The following DENND5B variants were observed in gnomAD, a reference collection of about 807,000 sequenced individuals.
DENND5B encodes DENN domain containing 5B, also known as DENN domain-containing protein 5B.
Under a neutral mutation model 140.6 loss-of-function variants are expected in DENND5B, and 34 were observed. The observed-to-expected ratio is 0.24, with a 90% CI of 0.18 to 0.32. DENND5B has a LOEUF of 0.32. Among genes scored for constraint, DENND5B ranks in the 10% least tolerant of loss-of-function variants. The pLI is 1.00. For synonymous variants in DENND5B, 551 were observed against 562.1 expected, an observed-to-expected ratio of 0.98 and a Z score of 0.28; for missense variants, 1,142 against 1,560.2, an observed-to-expected ratio of 0.73 and a Z score of 4.52.
chr12:31,511,552 TA>T (rs11335602), intron 1 of DENND5B, among the ~76,000 whole-genome samples: 79,234 of 145,148 alleles, frequency 0.55, 21,618 homozygotes, highest in East Asian at 0.81. Flanking sequence ...TTTTTTTTTT[TA>T]ACAGAGATAG....
chr12:31,446,751 CG>C (rs1944291724), intron 6 of DENND5B, among the ~76,000 whole-genome samples: 1 of 151,436 alleles, frequency 6.6e-6, no homozygotes, highest in South Asian at 2.1e-4. Flanking sequence ...AAAAATTAGC[CG>C]GGTGTGGTGG....
chr12:31,548,920 G>A (rs1311142001), intron 1 of DENND5B, among the ~76,000 whole-genome samples: 1 of 151,948 alleles, frequency 6.6e-6, no homozygotes, highest in Non-Finnish European at 1.5e-5. Context: ...TTAGAGACTG[G>A]GTCTTGCTTT....
At chr12:31,442,993 C>CA (rs1944105732) in intron 6 of DENND5B, 68 bp from the exon 7 acceptor site, 5 of 1,411,016 alleles carry the variant, frequency 3.5e-6, no homozygotes, top group Non-Finnish European at 3.8e-6. Context: ...ATGCTTCCTC[C>CA]ACTCATGCAC....
chr12:31,424,907 A>G (rs184437622), intron 9 of DENND5B, among the ~76,000 whole-genome samples: 1 of 152,336 alleles, frequency 6.6e-6, no homozygotes, highest in Admixed American at 6.5e-5. Flanking sequence ...GTGACTAAAG[A>G]GAATATAAGA....
chr12:31,430,824 T>G (rs917472573), intron 8 of DENND5B, among the ~76,000 whole-genome samples: 2 of 152,174 alleles, frequency 1.3e-5, no homozygotes, highest in Non-Finnish European at 2.9e-5. Context: ...TAGGGCCATG[T>G]GCAAAGTCTC....
intron 3 of DENND5B, among the ~76,000 whole-genome samples, chr12:31,479,157 C>A (rs1945957180): frequency 1.3e-5 from 2 of 152,192 alleles, no homozygotes; most frequent in African/African-American, 2.4e-5. Context: ...TCAACAATTT[C>A]ATTTATCCCT....
chr12:31,413,633 G>A (rs1942582220), intron 12 of DENND5B, 69 bp from the exon 13 acceptor site: 1 of 1,545,446 alleles, frequency 6.5e-7, no homozygotes, highest in African/African-American at 1.4e-5. Context: ...GAAGTAAAGA[G>A]TGAACAGTAC....
intron 4 of DENND5B, among the ~76,000 whole-genome samples, chr12:31,456,658 T>C (rs1478095795): frequency 2.6e-5 from 4 of 152,194 alleles, no homozygotes; most frequent in African/African-American, 9.6e-5. Context: ...ACCCTAAAAC[T>C]GTAGGCCGGA....
At chr12:31,542,774 A>G (rs1291133035) in intron 1 of DENND5B, among the ~76,000 whole-genome samples, 2 of 152,126 alleles carry the variant, frequency 1.3e-5, no homozygotes, top group Non-Finnish European at 2.9e-5. Flanking sequence ...TGAGCAACAT[A>G]GCAAAACCCC....
At position 31,533,622 on chromosome 12, in the gene DENND5B, C is replaced by T. The variant is rs115642931; in HGVS notation, c.128-37703G>A. On this transcript the variant is annotated intron_variant, in intron 1 of 20. Coordinates refer to ENST00000389082, the MANE Select transcript of DENND5B (RefSeq NM_144973.4). ...ATTATGTAAGCAGTGCCCAAATCAG[C>T]AGGATTAGGCAGGTAAAAGCAGTTG... Among the ~76,000 whole-genome samples, 1,464 of 152,256 alleles carry T rather than the reference C, an allele frequency of 9.6e-3. 27 individuals are homozygous for T. Among genetic ancestry groups the T allele is most frequent in the African/African-American group, 0.033 (1,384 of 41,524 alleles).
At chr12:31,502,127 C>G (rs1947030709) in intron 1 of DENND5B, among the ~76,000 whole-genome samples, 2 of 151,912 alleles carry the variant, frequency 1.3e-5, no homozygotes, top group Admixed American at 1.3e-4. Flanking sequence ...CCAGCCTGGC[C>G]AATATGGTGA....
Position 31,590,695 on chromosome 12 carries a change from C to T in DENND5B, c.127+11G>A, listed in dbSNP as rs1484404274. ...TGAGGGGGCTCAGCGCCGCCGCAGC[C>T]CTGGCCTTACCCGCCAGCTCGTCAG... On this transcript the variant is annotated intron_variant, in intron 1 of 20. Coordinates refer to ENST00000389082, the MANE Select transcript of DENND5B (RefSeq NM_144973.4). The T allele has an allele frequency of 4.1e-6, 6 of 1,472,772 alleles. No individual in the cohort carries two copies. In the African/African-American group the frequency reaches 4.4e-5, roughly 11 times the overall value. The allele number at this position is 1,472,772 out of a possible 1,614,324, so 91.2% of individuals were successfully genotyped here.
chr12:31,439,351 G>A (rs954332603), intron 7 of DENND5B, among the ~76,000 whole-genome samples: 2 of 152,116 alleles, frequency 1.3e-5, no homozygotes, highest in African/African-American at 2.4e-5. Context: ...TTATATATAA[G>A]GCAAAAGCAA....
At chr12:31,450,618 G>C (rs1944470965) in intron 5 of DENND5B, among the ~76,000 whole-genome samples, 1 of 152,016 alleles carries the variant, frequency 6.6e-6, no homozygotes, top group South Asian at 2.1e-4. Flanking sequence ...CAACCTCCTA[G>C]TGTTGGGATT....
At chr12:31,515,301 T>A (rs1449141974) in intron 1 of DENND5B, among the ~76,000 whole-genome samples, 2 of 152,184 alleles carry the variant, frequency 1.3e-5, no homozygotes, top group Non-Finnish European at 2.9e-5. Context: ...TGAGACCCCA[T>A]CTCTAAATAC....
intron 1 of DENND5B, among the ~76,000 whole-genome samples, chr12:31,542,656 TA>T (rs980464935): frequency 7.2e-5 from 11 of 152,102 alleles, no homozygotes; most frequent in African/African-American, 2.7e-4. Context: ...CCACAAAAAT[TA>T]AAATTTTTTA....
chr12:31,446,814 G>A (rs1398965115), intron 6 of DENND5B, among the ~76,000 whole-genome samples: 2 of 151,706 alleles, frequency 1.3e-5, no homozygotes, highest in South Asian at 2.1e-4. Flanking sequence ...GTGAACCCGG[G>A]AGGTGGCGCT....
At chr12:31,534,231 C>T (rs1374294479) in intron 1 of DENND5B, among the ~76,000 whole-genome samples, 1 of 152,028 alleles carries the variant, frequency 6.6e-6, no homozygotes, top group East Asian at 1.9e-4. Flanking sequence ...GCGATCTCGG[C>T]TTACTGCAAC....
rs185331393 is a variant in DENND5B, at chr12:31,417,631, G to A, written c.2471-2183C>T. On this transcript the variant is annotated intron_variant, in intron 11 of 20. Coordinates refer to ENST00000389082, the MANE Select transcript of DENND5B (RefSeq NM_144973.4). ...TAATTTTTGTATTTTTTGTAGAGAC[G>A]GGGTTTTGTCTCTTATGTATGAAAG... 6.8e-3 allele frequency among the ~76,000 whole-genome samples: 1,040 copies of A among 152,142 alleles called. 14 individuals carry two copies. The highest frequency in any genetic ancestry group is 0.024 in the African/African-American group (997 of 41,508).
Sources: allele counts gnomAD v4.1 joint callset (sites outside exome capture counted in the v4.1 genomes callset), GRCh38; gene constraint gnomAD v4.1.1; transcripts MANE v1.5; gene names NCBI Gene and HGNC (gene_info 2026-07-23, HGNC 2026-07-21).